The following NOX4 variants were observed in gnomAD, a reference collection of about 807,000 sequenced individuals.
The protein encoded by NOX4 is kidney oxidase-1.
NOX4 carries 69 observed loss-of-function variants against 87.6 expected under a neutral mutation model. The ratio of observed to expected loss-of-function variants is 0.79; its 90% CI spans 0.65 to 0.96. The LOEUF is 0.96. NOX4 is among the 40% of genes least tolerant of loss of function. NOX4 has a pLI of 0.00. For missense variants in NOX4, 680 were observed against 681.5 expected, an observed-to-expected ratio of 1.00 and a Z score of 0.02; for synonymous variants, 275 against 238.2, an observed-to-expected ratio of 1.15 and a Z score of -1.42.
At chr11:89,449,348 A>G (rs1346537153) in intron 4 of NOX4, 92 bp downstream of exon 4, 3 of 932,314 alleles carry the variant, frequency 3.2e-6, no homozygotes, top group Non-Finnish European at 4.7e-6. Flanking sequence ...AGATTAGGGA[A>G]AACTTTCTCT....
intron 11 of NOX4, among the ~76,000 whole-genome samples, chr11:89,389,273 T>C (rs1029397682): frequency 1.3e-5 from 2 of 152,060 alleles, no homozygotes; most frequent in East Asian, 1.9e-4. Flanking sequence ...TTTTAAATAA[T>C]CAAAACTCCA....
chr11:89,336,954 C>T (rs12275153), intron 16 of NOX4, among the ~76,000 whole-genome samples: 7,398 of 152,092 alleles, frequency 0.049, 255 homozygotes, highest in East Asian at 0.12. Flanking sequence ...AGTTTCATCA[C>T]TTGCAAAATG....
At chr11:89,513,208 T>C in the NOX4 span, among the ~76,000 whole-genome samples, 5 of 151,664 alleles carry the variant, frequency 3.3e-5, no homozygotes, top group Non-Finnish European at 7.4e-5. Context: ...TAATCCCAGC[T>C]ACTCAGGAAG....
the NOX4 span, among the ~76,000 whole-genome samples, chr11:89,559,481 C>T: frequency 6.6e-6 from 1 of 152,144 alleles, no homozygotes; most frequent in Non-Finnish European, 1.5e-5. Flanking sequence ...ATAAATATAT[C>T]CACTCTGTGG....
intron 2 of NOX4, among the ~76,000 whole-genome samples, chr11:89,477,701 T>C (rs1356846400): frequency 6.6e-6 from 1 of 152,174 alleles, no homozygotes; most frequent in Non-Finnish European, 1.5e-5. Flanking sequence ...TTTGTTTTTA[T>C]GGAAATAATT....
At chr11:89,554,432 G>T in the NOX4 span, among the ~76,000 whole-genome samples, 1 of 151,966 alleles carries the variant, frequency 6.6e-6, no homozygotes, top group Non-Finnish European at 1.5e-5. Context: ...ATTTTAGAAT[G>T]CTATTCTTTC....
Position 89,425,011 on chromosome 11 carries a change from G to A in NOX4, c.549-3029C>T, listed in dbSNP as rs558941183. On this transcript the variant is annotated intron_variant, in intron 7 of 17. Transcript: ENST00000263317. ...AAGCATAAAAAACACTGAAGATTAG[G>A]AAGGGCTTAAATTGTTTATGAGAGC... 1.4e-4 allele frequency among the ~76,000 whole-genome samples: 21 copies of A among 152,188 alleles called. No homozygotes were observed. In the Middle Eastern group the frequency reaches 0.01, roughly 74 times the overall value.
intron 2 of NOX4, among the ~76,000 whole-genome samples, chr11:89,488,036 C>A (rs1421628696): frequency 1.3e-5 from 2 of 151,946 alleles, no homozygotes; most frequent in East Asian, 3.9e-4. Context: ...AAATTCATAA[C>A]AGATAATTAC....
At chr11:89,540,277 T>C in the NOX4 span, among the ~76,000 whole-genome samples, 1 of 152,156 alleles carries the variant, frequency 6.6e-6, no homozygotes, top group Non-Finnish European at 1.5e-5. Flanking sequence ...TTTTGTTCCC[T>C]GGGAATGATT....
chr11:89,346,062 C>T (rs1946203151), intron 13 of NOX4, among the ~76,000 whole-genome samples: 1 of 152,164 alleles, frequency 6.6e-6, no homozygotes, highest in South Asian at 2.1e-4. Context: ...GCCAAGAGAA[C>T]TGATAAATGA....
At chr11:89,421,553 T>C (rs7125430) in intron 8 of NOX4, among the ~76,000 whole-genome samples, 52,490 of 151,952 alleles carry the variant, frequency 0.35, 9,425 homozygotes, top group East Asian at 0.56. Flanking sequence ...AGCAGGACAG[T>C]TTCAGGAAAT....
chr11:89,502,108 T>TTCA (rs1947028378), upstream of NOX4, among the ~76,000 whole-genome samples: 2 of 152,052 alleles, frequency 1.3e-5, no homozygotes, highest in African/African-American at 4.8e-5. Flanking sequence ...TAAGATTTTA[T>TTCA]GTGGGCCCCC....
At chr11:89,496,092 G>C (rs1242537260), upstream of NOX4, among the ~76,000 whole-genome samples, 1 of 152,182 alleles carries the variant, frequency 6.6e-6, no homozygotes, top group Non-Finnish European at 1.5e-5. Flanking sequence ...GGGAGCCAGG[G>C]AAAAGTGGTC....
intron 5 of NOX4, 163 bp downstream of exon 5, chr11:89,443,972 A>C (rs1944569956): frequency 5.1e-6 from 3 of 593,990 alleles, no homozygotes; most frequent in Non-Finnish European, 3.0e-6. Context: ...AATAGTAATT[A>C]CTTATATTTT....
At chr11:89,581,536 G>A in the NOX4 span, among the ~76,000 whole-genome samples, 57 of 152,014 alleles carry the variant, frequency 3.7e-4, no homozygotes, top group South Asian at 9.0e-3. Flanking sequence ...GAAAATACTC[G>A]AATCTGAGTC....
intron 8 of NOX4, among the ~76,000 whole-genome samples, chr11:89,418,422 GAATAATAATAATAATAATAATAAT>G (rs113480992): frequency 7.2e-6 from 1 of 139,752 alleles, no homozygotes; most frequent in Non-Finnish European, 1.6e-5. Context: ...TGAACATTGA[GAATAATAATAATAATAATAATAAT>G]AATAATAATA....
intron 5 of NOX4, chr11:89,443,532 G>C (rs1389772478): frequency 6.6e-6 from 1 of 152,356 alleles, no homozygotes; most frequent in Non-Finnish European, 1.5e-5. Context: ...CTGAGCATGT[G>C]CTGTTCATCA....
rs114302975 is a variant in NOX4, at chr11:89,375,520, C to G, written c.1075-2028G>C. On this transcript the variant is annotated intron_variant, in intron 11 of 17. Coordinates refer to ENST00000263317, the MANE Select transcript of NOX4 (RefSeq NM_016931.5). ...TTTGGGTTTCACAGTGTTGCCCAGG[C>G]TGATCTGAAACTCTTGGCCTCATAT... 2.0e-5 allele frequency among the ~76,000 whole-genome samples: 3 copies of G among 152,194 alleles called. No homozygotes were observed. In the East Asian group the frequency reaches 5.8e-4, roughly 29 times the overall value.
intron 2 of NOX4, among the ~76,000 whole-genome samples, chr11:89,460,201 A>C (rs1264822132): frequency 5.3e-5 from 8 of 152,210 alleles, no homozygotes; most frequent in South Asian, 2.1e-4. Flanking sequence ...CTAAAATCAA[A>C]AAAACCCTAG....
Sources: allele counts gnomAD v4.1 joint callset (sites outside exome capture counted in the v4.1 genomes callset), GRCh38; gene constraint gnomAD v4.1.1; transcripts MANE v1.5; gene names NCBI Gene and HGNC (gene_info 2026-07-23, HGNC 2026-07-21).